The following ANKS1B variants were observed in gnomAD, a reference collection of about 807,000 sequenced individuals.
The protein encoded by ANKS1B is ankyrin repeat and sterile alpha motif domain-containing protein 1B.
Under a neutral mutation model 148.3 loss-of-function variants are expected in ANKS1B, and 36 were observed. The observed-to-expected ratio is 0.24, with a 90% CI of 0.19 to 0.32. The LOEUF is 0.32. Ranked by LOEUF, ANKS1B falls within the 10% of genes least tolerant of loss-of-function variation. ANKS1B has a pLI of 1.00. For missense variants in ANKS1B, 1,157 were observed against 1,542.6 expected (o/e 0.75, Z 4.19); for synonymous variants, 542 against 560.8 (o/e 0.97, Z 0.47).
chr12:99,874,000 ATCTC>A (rs142537166), intron 1 of ANKS1B, among the ~76,000 whole-genome samples: 13 of 138,484 alleles, frequency 9.4e-5, no homozygotes, highest in Admixed American at 4.9e-4. Context: ...AAATAAATAA[ATCTC>A]TCTCTCTCTC....
chr12:98,736,388 A>C (rs1319510658), intron 9 of ANKS1B, among the ~76,000 whole-genome samples: 2 of 152,210 alleles, frequency 1.3e-5, no homozygotes, highest in Admixed American at 1.3e-4. Flanking sequence ...ACAAGAAAAG[A>C]ATGATGCAAG....
At chr12:99,060,027 T>C (rs906701473) in intron 16 of ANKS1B, among the ~76,000 whole-genome samples, 3 of 151,992 alleles carry the variant, frequency 2.0e-5, no homozygotes, top group Non-Finnish European at 2.9e-5. Flanking sequence ...GCTCACTCTA[T>C]AATCTGAGAG....
intron 9 of ANKS1B, among the ~76,000 whole-genome samples, chr12:99,532,713 G>C (rs951059122): frequency 6.6e-6 from 1 of 152,142 alleles, no homozygotes; most frequent in African/African-American, 2.4e-5. Context: ...GTGAGAGATA[G>C]GAATCCAGTT....
chr12:99,093,623 G>C (rs907991741), intron 15 of ANKS1B: 1 of 152,284 alleles, frequency 6.6e-6, no homozygotes, highest in African/African-American at 2.4e-5. Context: ...AAAAGAGAGT[G>C]AGTTGCAGTC....
chr12:98,894,059 C>T (rs542488923), intron 17 of ANKS1B, among the ~76,000 whole-genome samples: 1 of 152,310 alleles, frequency 6.6e-6, no homozygotes, highest in East Asian at 1.9e-4. Context: ...CTGCTCTGCT[C>T]CTGCTCTCCA....
chr12:99,474,845 A>C (rs1253548440), intron 10 of ANKS1B, among the ~76,000 whole-genome samples: 1 of 152,078 alleles, frequency 6.6e-6, no homozygotes, highest in Non-Finnish European at 1.5e-5. Flanking sequence ...TAAATATATC[A>C]AAGTGGGAAA....
intron 14 of ANKS1B, among the ~76,000 whole-genome samples, chr12:99,237,889 C>G (rs1341877957): frequency 6.6e-6 from 1 of 152,180 alleles, no homozygotes; most frequent in Non-Finnish European, 1.5e-5. Flanking sequence ...GTACCTGGGA[C>G]TACAGGCACA....
chr12:99,938,283 C>G (rs1399106098), intron 1 of ANKS1B, among the ~76,000 whole-genome samples: 3 of 152,144 alleles, frequency 2.0e-5, no homozygotes, highest in African/African-American at 7.2e-5. Flanking sequence ...TTGAAACCCT[C>G]AGTCCTACAA....
At chr12:99,176,929 T>C (rs1412668763) in intron 14 of ANKS1B, among the ~76,000 whole-genome samples, 2 of 152,152 alleles carry the variant, frequency 1.3e-5, no homozygotes, top group African/African-American at 4.8e-5. Flanking sequence ...AATTACATAG[T>C]CTCAGATGTT....
chr12:98,883,637 C>G (rs897685883), intron 17 of ANKS1B, among the ~76,000 whole-genome samples: 2 of 152,098 alleles, frequency 1.3e-5, no homozygotes, highest in African/African-American at 4.8e-5. Context: ...AATTAAGTTT[C>G]TTGATAAAAC....
intron 1 of ANKS1B, among the ~76,000 whole-genome samples, chr12:99,874,995 A>C (rs1486368048): frequency 6.6e-6 from 1 of 152,190 alleles, no homozygotes; most frequent in East Asian, 1.9e-4. Context: ...CCTTGGATCA[A>C]CTATAACCTA....
At chr12:99,822,032 A>C (rs1388325922) in intron 2 of ANKS1B, among the ~76,000 whole-genome samples, 2 of 152,144 alleles carry the variant, frequency 1.3e-5, no homozygotes, top group African/African-American at 4.8e-5. Flanking sequence ...TCCAATTCTA[A>C]AAATCTAAAT....
At chr12:99,962,198 C>T (rs2095421780) in intron 1 of ANKS1B, among the ~76,000 whole-genome samples, 1 of 152,132 alleles carries the variant, frequency 6.6e-6, no homozygotes, top group Non-Finnish European at 1.5e-5. Context: ...GTTCTCTTCC[C>T]TAACCCTCCC....
intron 12 of ANKS1B, among the ~76,000 whole-genome samples, chr12:99,280,814 T>C (rs867838221): frequency 6.6e-6 from 1 of 151,948 alleles, no homozygotes; most frequent in African/African-American, 2.4e-5. Flanking sequence ...GCCTCCGTAA[T>C]AGCATGAGCC....
At chr12:98,746,240 G>A (rs2097889417) in intron 26 of ANKS1B, among the ~76,000 whole-genome samples, 1 of 152,132 alleles carries the variant, frequency 6.6e-6, no homozygotes, top group Non-Finnish European at 1.5e-5. Flanking sequence ...CTCTCCAGTG[G>A]TTTCCATCAC....
intron 9 of ANKS1B, among the ~76,000 whole-genome samples, chr12:99,537,847 G>C (rs1439289718): frequency 6.6e-6 from 1 of 152,058 alleles, no homozygotes; most frequent in Non-Finnish European, 1.5e-5. Flanking sequence ...CAATGTCCTG[G>C]AGAATTTCCC....
rs373680229 is a variant in ANKS1B at position 99,355,397 on chromosome 12, C to A, written c.1756+44234G>T. ...TGCAGTCTTATTCATTGTTTTCCTG[C>A]CACAAATTTATTCCTTAACCAAAGT... On this transcript the variant is annotated intron_variant, in intron 12 of 26. Coordinates refer to ENST00000683438, the MANE Select transcript of ANKS1B (RefSeq NM_001352186.2). Among the ~76,000 whole-genome samples, 14 of 152,238 alleles carry A rather than the reference C, an allele frequency of 9.2e-5. 1 individual carries two copies. In the East Asian group the frequency reaches 2.7e-3, roughly 29 times the overall value.
intron 21 of ANKS1B, 59 bp from the exon 22 acceptor site, chr12:98,799,064 T>C (rs1421900751): frequency 1.6e-6 from 2 of 1,260,382 alleles, no homozygotes; most frequent in East Asian, 5.4e-5. Flanking sequence ...GAGTAATGTT[T>C]TAAAAACAAA....
intron 17 of ANKS1B, among the ~76,000 whole-genome samples, chr12:98,892,240 T>C (rs2099754225): frequency 6.6e-6 from 1 of 152,248 alleles, no homozygotes; most frequent in Non-Finnish European, 1.5e-5. Context: ...TATAAGATTT[T>C]GAGAACATGT....
Sources: gnomAD v4.1 joint callset for allele counts (sites outside exome capture counted in the v4.1 genomes callset) on GRCh38, gnomAD v4.1.1 for gene constraint, MANE v1.5 for transcripts, NCBI Gene and HGNC (gene_info 2026-07-23, HGNC 2026-07-21) for gene names.